The following ENPP6 variants were observed in gnomAD, a reference collection of about 807,000 sequenced individuals.
The protein encoded by ENPP6 is ectonucleotide pyrophosphatase/phosphodiesterase 6, also known as glycerophosphocholine cholinephosphodiesterase ENPP6.
A neutral mutation model predicts 42.0 loss-of-function variants in ENPP6; 32 were observed. The ratio of observed to expected loss-of-function variants is 0.76; its 90% CI spans 0.58 to 1.02. The LOEUF (loss-of-function observed/expected upper bound fraction) is 1.02. ENPP6 is among the 50% of genes least tolerant of loss of function. The pLI is 0.00. For missense variants in ENPP6, 552 were observed against 566.8 expected (o/e 0.97, Z 0.27); for synonymous variants, 213 against 216.0 (o/e 0.99, Z 0.12).
rs969373077 is a variant in ENPP6 at position 184,188,561 on chromosome 4, C to T, written c.241+29018G>A. On this transcript the variant is annotated intron_variant, in intron 1 of 7. Coordinates refer to ENST00000296741, the MANE Select transcript of ENPP6 (RefSeq NM_153343.4). Reference sequence around the variant, plus strand: ...GTGTTTGCATATGGCTGCTAGGAATCAGCTCCATGAGACCACACACAGGCA... The same window carrying T: ...GTGTTTGCATATGGCTGCTAGGAATTAGCTCCATGAGACCACACACAGGCA... Among the ~76,000 whole-genome samples the T allele has an allele frequency of 4.6e-5, 7 of 152,274 alleles. No homozygotes were observed. In the East Asian group the frequency reaches 5.8e-4, roughly 13 times the overall value.
intron 2 of ENPP6, among the ~76,000 whole-genome samples, chr4:184,134,319 A>G (rs543670074): frequency 6.6e-6 from 1 of 152,106 alleles, no homozygotes; most frequent in East Asian, 1.9e-4. Context: ...TTTCTGTAAG[A>G]TTGTTATTAT....
intron 1 of ENPP6, among the ~76,000 whole-genome samples, chr4:184,162,604 T>C (rs35363119): frequency 0.39 from 55,264 of 142,128 alleles, 10,677 homozygotes; most frequent in East Asian, 0.59. Context: ...AGGGAGGGAA[T>C]GAATGACTGG....
rs1193468165 is a variant in ENPP6, at chr4:184,090,423, A to C, written c.*754T>G. Reference sequence around the variant, plus strand: ...TGTGCCGGGCTTCATGCCACGATACACTATGTGTGATAAGTCTCACAGAAG... The same window carrying C: ...TGTGCCGGGCTTCATGCCACGATACCCTATGTGTGATAAGTCTCACAGAAG... On this transcript the variant is annotated 3_prime_UTR_variant, in exon 8 of 8. Coordinates refer to ENST00000296741, the MANE Select transcript of ENPP6 (RefSeq NM_153343.4). 1 of 152,206 alleles carries C rather than the reference A, an allele frequency of 6.6e-6. No individual in the cohort carries two copies. The highest frequency in any genetic ancestry group is 1.5e-5 in the Non-Finnish European group (1 of 68,044). 9.4% of individuals were successfully genotyped at this position (152,206 alleles called of 1,614,324 possible). A position where few individuals can be genotyped will look rare whatever the true frequency, so the allele number is the denominator to read the frequency against.
chr4:184,170,880 C>G (rs1737450016), intron 1 of ENPP6, among the ~76,000 whole-genome samples: 1 of 152,136 alleles, frequency 6.6e-6, no homozygotes. Flanking sequence ...TTAGCAACCA[C>G]CGATAATCAT....
At chr4:184,152,273 C>A (rs1345917624) in intron 2 of ENPP6, among the ~76,000 whole-genome samples, 1 of 152,148 alleles carries the variant, frequency 6.6e-6, no homozygotes, top group Non-Finnish European at 1.5e-5. Context: ...CCTGGAGTGC[C>A]CCAGCAGCTC....
At chr4:184,118,006 T>C in intron 3 of ENPP6, 106 bp from the exon 4 acceptor site, 2 of 1,412,538 alleles carry the variant, frequency 1.4e-6, no homozygotes, top group Non-Finnish European at 1.9e-6. Context: ...CCCGAAACCT[T>C]GTCCCTGGGC....
rs1735928881 is a variant in ENPP6, at chr4:184,097,329, T to C, written c.1033A>G (p.Arg345Gly). The change falls in exon 7 of 8, where the codon AGG becomes GGG. Residue 345 changes from arginine to glycine, a missense_variant. This residue lies in a region of ENPP6 where 545 missense variants were observed against 546.3 expected (regional missense o/e 1.00). Transcript: ENST00000296741. The part of the protein sequence containing the change: ...MLPFWMNSTG[R>G]REGWQRGWHG... ...CATCCACGCTGCCAACCTTCCCGCC[T>C]GCCGGTGCTGTTCATCCAAAACGGA... 6.2e-7 allele frequency: 1 copy of C among 1,614,188 alleles called. No individual in the cohort carries two copies. Among genetic ancestry groups the C allele is most frequent in the East Asian group, 2.2e-5 (1 of 44,880 alleles).
At chr4:184,214,562 C>G (rs1471100599) in intron 1 of ENPP6, among the ~76,000 whole-genome samples, 1 of 152,164 alleles carries the variant, frequency 6.6e-6, no homozygotes, top group East Asian at 1.9e-4. Context: ...GTGCAAATAG[C>G]AAAGACTTTG....
intron 1 of ENPP6, among the ~76,000 whole-genome samples, chr4:184,194,732 C>T (rs867711472): frequency 2.6e-5 from 4 of 152,250 alleles, no homozygotes; most frequent in South Asian, 2.1e-4. Flanking sequence ...AGAACCCACA[C>T]GGGAGGACTG....
chr4:184,203,400 C>T (rs1732936620), intron 1 of ENPP6, among the ~76,000 whole-genome samples: 1 of 152,096 alleles, frequency 6.6e-6, no homozygotes, highest in Non-Finnish European at 1.5e-5. Context: ...GACTTGTGGC[C>T]CCCAAGAAGA....
At chr4:184,114,018 T>G (rs1363667879) in intron 5 of ENPP6, among the ~76,000 whole-genome samples, 1 of 150,976 alleles carries the variant, frequency 6.6e-6, no homozygotes, top group Non-Finnish European at 1.5e-5. Flanking sequence ...CAGGCTGGAG[T>G]GCAATGGCAA....
intron 2 of ENPP6, among the ~76,000 whole-genome samples, chr4:184,153,257 C>T (rs1737088446): frequency 6.6e-6 from 1 of 151,894 alleles, no homozygotes. Context: ...TCCCGAGTAG[C>T]TTGGATTACA....
At chr4:184,136,089 C>T (rs2111363894) in intron 2 of ENPP6, among the ~76,000 whole-genome samples, 1 of 151,832 alleles carries the variant, frequency 6.6e-6, no homozygotes, top group Admixed American at 6.6e-5. Context: ...ATTATTGTGC[C>T]ATTTCCCTTC....
chr4:184,165,973 GA>G (rs1293834884), intron 1 of ENPP6, among the ~76,000 whole-genome samples: 1 of 152,190 alleles, frequency 6.6e-6, no homozygotes. Flanking sequence ...TTAGATTAGT[GA>G]ACTTTCATAT....
chr4:184,176,458 C>T (rs1449588721), intron 1 of ENPP6, among the ~76,000 whole-genome samples: 1 of 152,040 alleles, frequency 6.6e-6, no homozygotes, highest in African/African-American at 2.4e-5. Flanking sequence ...TTGGGGAGGG[C>T]GGTGAGGTGT....
At chr4:184,208,931 G>A (rs1196843155) in intron 1 of ENPP6, among the ~76,000 whole-genome samples, 2 of 144,176 alleles carry the variant, frequency 1.4e-5, no homozygotes, top group South Asian at 2.2e-4. Flanking sequence ...CCTGACCCCT[G>A]ACCCCCGAGC....
At chr4:184,208,055 T>A (rs969672748) in intron 1 of ENPP6, among the ~76,000 whole-genome samples, 2 of 152,196 alleles carry the variant, frequency 1.3e-5, no homozygotes, top group Non-Finnish European at 2.9e-5. Context: ...GTGGTTACAT[T>A]CTGAGGTACT....
intron 1 of ENPP6, among the ~76,000 whole-genome samples, chr4:184,195,609 C>T (rs1561007880): frequency 6.6e-6 from 1 of 152,306 alleles, no homozygotes; most frequent in South Asian, 2.1e-4. Flanking sequence ...CCCCACAGCC[C>T]CTGGCAACTC....
intron 6 of ENPP6, among the ~76,000 whole-genome samples, chr4:184,112,245 A>C (rs1422763902): frequency 6.6e-6 from 1 of 152,218 alleles, no homozygotes; most frequent in African/African-American, 2.4e-5. Context: ...CCTCTGAAAG[A>C]TCAAATTGGC....
Sources: allele counts gnomAD v4.1 joint callset (sites outside exome capture counted in the v4.1 genomes callset), GRCh38; gene constraint gnomAD v4.1.1; regional missense constraint gnomAD v4.1.1; transcripts MANE v1.5; gene names NCBI Gene and HGNC (gene_info 2026-07-23, HGNC 2026-07-21).